KIF12: variants seen among roughly 807,000 people sequenced by gnomAD.
The protein encoded by KIF12 is kinesin-like protein KIF12.
In KIF12, 80 loss-of-function variants were observed where a neutral mutation model predicts 87.9. The observed-to-expected ratio is 0.91, with a 90% CI of 0.76 to 1.10. The LOEUF (loss-of-function observed/expected upper bound fraction) is 1.10. Ranked by LOEUF, KIF12 falls within the 50% of genes least tolerant of loss-of-function variation. KIF12 has a pLI of 0.00. For missense variants in KIF12, 819 were observed against 865.3 expected (o/e 0.95, Z 0.67); for synonymous variants, 353 against 348.5 (o/e 1.01, Z -0.14).
Position 114,092,455 on chromosome 9 carries a change from G to A in KIF12, c.1698-4C>T. The A allele has an allele frequency of 6.2e-7, 1 of 1,613,682 alleles. No individual in the cohort carries two copies. On this transcript the variant is annotated splice_region_variant and splice_polypyrimidine_tract_variant and intron_variant, in intron 17 of 18. Transcript: ENST00000640217. ...CTGAGTCCAGTCACTGTGACTCCTG[G>A]GCCAGGGTGAGTTGGGAGATGGGAG...
intron 5 of KIF12, 32 bp from the exon 6 acceptor site, chr9:114,097,773 C>T (rs1452924012): frequency 8.1e-6 from 13 of 1,600,372 alleles, no homozygotes; most frequent in Non-Finnish European, 1.1e-5. Context: ...CCATCGTCAT[C>T]TCCACAGTAA....
In KIF12 at chr9:114,094,290, T is replaced by C; in HGVS notation, c.1223-19A>G. 3 of 1,612,896 alleles carry C rather than the reference T, an allele frequency of 1.9e-6. No individual in the cohort carries two copies. The South Asian group carries it at 3.3e-5, about 18-fold the overall frequency. Reference sequence around the variant, plus strand: ...CCTGAGGCTGCAGGGAAGCAGGAGGTGGTGGATCCACAGGAGCCCCAGACC... The same window carrying C: ...CCTGAGGCTGCAGGGAAGCAGGAGGCGGTGGATCCACAGGAGCCCCAGACC... On this transcript the variant is annotated intron_variant, in intron 12 of 18. Coordinates refer to ENST00000640217, the MANE Select transcript of KIF12 (RefSeq NM_001388308.1).
rs1847215369 is a variant in KIF12 at position 114,096,078 on chromosome 9, T to A, written c.868A>T (p.Ser290Cys). 6.2e-7 allele frequency: 1 copy of A among 1,613,390 alleles called. No individual in the cohort carries two copies. Among genetic ancestry groups the A allele is most frequent in the African/African-American group, 1.3e-5 (1 of 74,908 alleles). Residue 290 changes from serine (S) to cysteine (C), a missense_variant, in exon 9 of 19, where the codon AGC (serine) becomes TGC (cysteine). Ser to Cys is a moderately radical substitution (Grantham distance 112, BLOSUM62 -1). Transcript: ENST00000640217. Reference protein sequence around the residue: ...SRGELMLEANSINRSLLALGH... With the variant: ...SRGELMLEANCINRSLLALGH... ...AGGGCCAGCAGGCTTCGGTTGATGC[T>A]GTTAGCCTCAAGCATCAGCTCCCCA...
chr9:114,092,671 G>A, intron 16 of KIF12, 29 bp from the exon 17 acceptor site: 2 of 1,553,196 alleles, frequency 1.3e-6, no homozygotes, highest in Non-Finnish European at 1.7e-6. Context: ...TCCACTCTGG[G>A]TGACCTCAGT....
chr9:114,092,114 T>TTCCCCCCCCCCCC, intron 18 of KIF12, 114 bp from the exon 19 acceptor site: 1 of 1,389,278 alleles, frequency 7.2e-7, no homozygotes, highest in African/African-American at 1.5e-5. Context: ...CCTCCACCCT[T>TTCCCCCCCCCCCC]CCCCCCACCC....
chr9:114,092,211 T>C, intron 18 of KIF12, 122 bp downstream of exon 18: 2 of 1,490,124 alleles, frequency 1.3e-6, no homozygotes, highest in South Asian at 2.9e-5. Flanking sequence ...AGTAGAAAGA[T>C]CTTAGAAGCC....
rs942315105 is a variant in KIF12 at position 114,092,892 on chromosome 9, C to T, written c.1597-250G>A. 1.5e-5 allele frequency: 21 copies of T among 1,431,084 alleles called. No homozygotes were observed. In the East Asian group the frequency reaches 5.3e-4, roughly 36 times the overall value. The allele number at this position is 1,431,084 out of a possible 1,614,324, so 88.6% of individuals were successfully genotyped here. A position where few individuals can be genotyped will look rare whatever the true frequency, so the allele number is the denominator to read the frequency against. On this transcript the variant is annotated intron_variant, in intron 16 of 18. Transcript: ENST00000640217. ...CTGGTCTATTTCTGACTCCTCAGAGCCCAGAAGAGAGGCTGGTATAAAGCA... is the reference window on the plus strand; with the variant it reads ...CTGGTCTATTTCTGACTCCTCAGAGTCCAGAAGAGAGGCTGGTATAAAGCA...
At chr9:114,098,848 G>T in intron 3 of KIF12, 87 bp downstream of exon 3, 5 of 1,443,022 alleles carry the variant, frequency 3.5e-6, no homozygotes, top group Non-Finnish European at 3.7e-6. Context: ...CCGGGGGAGC[G>T]CGGGGCCTAG....
intron 7 of KIF12, 49 bp downstream of exon 7, chr9:114,097,252 T>A: frequency 6.3e-7 from 1 of 1,588,740 alleles, no homozygotes; most frequent in Non-Finnish European, 8.5e-7. Context: ...AGTGAACAAC[T>A]GAGGAATGGG....
Position 114,099,160 on chromosome 9 carries a change from C to G in KIF12, c.36G>C (p.Ala12=), listed in dbSNP as rs1423555754. ...CCTCTGGCCCTTGCTCCAGGCTCCG[C>G]GCGAGATCCCTGTGGGCAGCAATGC... ...EERGSPDGDL[A]RSLEQGPEGP... The change falls in exon 2 of 19, where the codon GCG becomes GCC. Residue 12 remains alanine, a synonymous_variant. Transcript: ENST00000640217. 3 of 1,550,594 alleles carry G rather than the reference C, an allele frequency of 1.9e-6. No homozygotes were observed. In the East Asian group the frequency reaches 7.3e-5, roughly 38 times the overall value.
At chr9:114,098,522 G>T in intron 3 of KIF12, 93 bp from the exon 4 acceptor site, 2 of 1,007,556 alleles carry the variant, frequency 2.0e-6, no homozygotes, top group Non-Finnish European at 2.7e-6. Flanking sequence ...GGGGCACGCG[G>T]GAGGAGGGCG....
intron 7 of KIF12, among the ~76,000 whole-genome samples, chr9:114,096,887 C>G (rs1281406499): frequency 6.6e-6 from 1 of 152,100 alleles, no homozygotes. Flanking sequence ...GCTGAAAGGG[C>G]CTTTAGGCTA....
At chr9:114,093,142 A>C (rs1847064593) in intron 16 of KIF12, 87 bp downstream of exon 16, 2 of 1,289,090 alleles carry the variant, frequency 1.6e-6, no homozygotes, top group Admixed American at 3.9e-5. Flanking sequence ...GCAGCCCTGG[A>C]ATCCCTGGGG....
In KIF12 at chr9:114,094,223, T is replaced by C. The variant is rs374125351; in HGVS notation, c.1271A>G (p.Tyr424Cys). 2 of 1,613,906 alleles carry C rather than the reference T, an allele frequency of 1.2e-6. No individual in the cohort carries two copies. The highest frequency in any genetic ancestry group is 1.7e-6 in the Non-Finnish European group (2 of 1,180,010). ...TAGCATGAACTCCTGTAGCATCCCG[T>C]ACAGGTTCCGCTGGGCCCAGGCCAC... ...ARVAWAQRNLYGMLQEFMLEN... is the reference protein window; with the variant it reads ...ARVAWAQRNLCGMLQEFMLEN... Residue 424 changes from tyrosine to cysteine, a missense_variant, in exon 13 of 19, where the codon TAC becomes TGC. Physicochemically the swap from Tyr to Cys is radical, Grantham distance 194. Coordinates refer to ENST00000640217, the MANE Select transcript of KIF12 (RefSeq NM_001388308.1).
Position 114,093,408 on chromosome 9 carries a change from T to A in KIF12, c.1490A>T (p.His497Leu). ...PCLMAPAPPC[H>L]ALPPLYSCPC... ...TCCAGGCTGGGCCGTGAGACTCACA[T>A]GGCAAGGGGGAGCTGGGGCCATCAA... The change falls in exon 15 of 19, where the codon CAT becomes CTT. Residue 497 changes from histidine (H) to leucine (L), a missense_variant and splice_region_variant. His to Leu is a moderately conservative substitution (Grantham distance 99). Transcript: ENST00000640217. 1 of 1,564,752 alleles carries A rather than the reference T, an allele frequency of 6.4e-7. No individual in the cohort carries two copies. Among genetic ancestry groups the A allele is most frequent in the Non-Finnish European group, 8.7e-7 (1 of 1,154,116 alleles).
chr9:114,095,264 G>C lies in KIF12; in HGVS notation c.964C>G (p.Leu322Val). Reference sequence around the variant, plus strand: ...AGTGAGTCTGCCAGCAACTTGGTGAGCTTGCTGTCCCGGAAAGGGATGTGG... The same window carrying C: ...AGTGAGTCTGCCAGCAACTTGGTGACCTTGCTGTCCCGGAAAGGGATGTGG... ...QSHIPFRDSK[L>V]TKLLADSLGG... Residue 322 changes from leucine to valine, a missense_variant, in exon 10 of 19, where the codon CTC becomes GTC. Physicochemically the swap from Leu to Val is conservative, Grantham distance 32. Transcript: ENST00000640217. The C allele has an allele frequency of 6.2e-7, 1 of 1,613,944 alleles. No homozygotes were observed. The highest frequency in any genetic ancestry group is 8.5e-7 in the Non-Finnish European group (1 of 1,180,022).
Position 114,097,671 on chromosome 9 carries a change from C to A in KIF12, c.446G>T (p.Arg149Leu), listed in dbSNP as rs751314498. Residue 149 changes from arginine (R) to leucine (L), a missense_variant, in exon 6 of 19, where the codon CGC (arginine) becomes CTC (leucine). Physicochemically the swap from Arg to Leu is moderately radical, Grantham distance 102. Coordinates refer to ENST00000640217, the MANE Select transcript of KIF12 (RefSeq NM_001388308.1). ...MQRTFAWLLDRVQHLGAPVTL... is the reference protein window; with the variant it reads ...MQRTFAWLLDLVQHLGAPVTL... ...GACAGGGGCACCCAGGTGCTGCACG[C>A]GGTCCAACAGCCAGGCGAAGGTCCT... 1.2e-6 allele frequency: 2 copies of A among 1,614,012 alleles called. No individual in the cohort carries two copies. The highest frequency in any genetic ancestry group is 8.5e-7 in the Non-Finnish European group (1 of 1,180,028).
intron 3 of KIF12, 94 bp from the exon 4 acceptor site, chr9:114,098,523 G>GGC (rs1847341305): frequency 1.0e-6 from 1 of 994,436 alleles, no homozygotes; most frequent in African/African-American, 1.7e-5. Context: ...GGGCACGCGG[G>GGC]AGGAGGGCGG....
rs766589049 is a variant in KIF12 at position 114,095,143 on chromosome 9, C to T, written c.1015-16G>A. On this transcript the variant is annotated splice_polypyrimidine_tract_variant and intron_variant, in intron 10 of 18. Coordinates refer to ENST00000640217, the MANE Select transcript of KIF12 (RefSeq NM_001388308.1). The stretch of plus-strand genomic sequence containing the variant: ...CGCAGGCCACCTGGGGAGTGCACTC[C>T]CCCTGAGCGCTCCTCTCTGAGGGCC... 11 of 1,606,598 alleles carry T rather than the reference C, an allele frequency of 6.8e-6. No homozygotes were observed. The South Asian group carries it at 1.2e-4, about 18-fold the overall frequency.
Sources: gnomAD v4.1 joint callset for allele counts (sites outside exome capture counted in the v4.1 genomes callset) on GRCh38, gnomAD v4.1.1 for gene constraint, MANE v1.5 for transcripts, NCBI Gene and HGNC (gene_info 2026-07-23, HGNC 2026-07-21) for gene names.